Variants in PITPNC1 observed in about 807,000 individuals in gnomAD.
PITPNC1 encodes the protein cytoplasmic phosphatidylinositol transfer protein 1.
PITPNC1 carries 18 observed loss-of-function variants against 44.7 expected under a neutral mutation model. The observed-to-expected ratio is 0.40, with a 90% CI of 0.28 to 0.60. The LOEUF is 0.60. Among genes scored for constraint, PITPNC1 ranks in the 20% least tolerant of loss-of-function variants. The pLI, the probability that PITPNC1 is intolerant of heterozygous loss-of-function variation, is 0.39. For synonymous variants in PITPNC1, 141 were observed against 149.6 expected (o/e 0.94, Z 0.42); for missense variants, 290 against 418.4 (o/e 0.69, Z 2.68).
chr17:67,536,477 T>C (rs1395758605), intron 2 of PITPNC1, among the ~76,000 whole-genome samples: 1 of 152,156 alleles, frequency 6.6e-6, no homozygotes, highest in Non-Finnish European at 1.5e-5. Context: ...TCCACCAGCC[T>C]CGGCCTCCCA....
At chr17:67,651,214 T>A (rs1555577134) in intron 6 of PITPNC1, among the ~76,000 whole-genome samples, 1 of 152,124 alleles carries the variant, frequency 6.6e-6, no homozygotes, top group Non-Finnish European at 1.5e-5. Flanking sequence ...GTCTCTTTTT[T>A]AAAAAACAGC....
intron 1 of PITPNC1, among the ~76,000 whole-genome samples, chr17:67,428,839 CTTT>C (rs369624053): frequency 1.8e-5 from 2 of 113,186 alleles, no homozygotes; most frequent in African/African-American, 3.3e-5. Context: ...ACTTGTCTTG[CTTT>C]TTTTTTTTTT....
At chr17:67,519,027 CTG>C (rs1211768088) in intron 1 of PITPNC1, among the ~76,000 whole-genome samples, 2 of 152,156 alleles carry the variant, frequency 1.3e-5, no homozygotes, top group African/African-American at 4.8e-5. Context: ...GGATGTAAAA[CTG>C]TGGAAAACAG....
intron 2 of PITPNC1, among the ~76,000 whole-genome samples, chr17:67,548,502 A>G (rs899952158): frequency 6.6e-6 from 1 of 152,110 alleles, no homozygotes; most frequent in Admixed American, 6.5e-5. Context: ...GAGGCTGGAG[A>G]ATCGCTTGGA....
chr17:67,543,793 T>C (rs140717274), intron 2 of PITPNC1, among the ~76,000 whole-genome samples: 3 of 152,334 alleles, frequency 2.0e-5, no homozygotes, highest in African/African-American at 7.2e-5. Context: ...GATGGTTGCC[T>C]AATATATTTG....
intron 8 of PITPNC1, among the ~76,000 whole-genome samples, 191 bp from the exon 9 acceptor site, chr17:67,692,381 G>C (rs1222079532): frequency 6.6e-6 from 1 of 152,128 alleles, no homozygotes; most frequent in Non-Finnish European, 1.5e-5. Flanking sequence ...AAGGGATATT[G>C]TTTTCAGGGT....
At chr17:67,497,671 G>A (rs896980670) in intron 1 of PITPNC1, among the ~76,000 whole-genome samples, 30 of 150,676 alleles carry the variant, frequency 2.0e-4, no homozygotes, top group South Asian at 6.3e-4. Flanking sequence ...GGGACCACAC[G>A]TGTGAGCCAC....
At chr17:67,382,935 G>A (rs143328335) in intron 1 of PITPNC1, among the ~76,000 whole-genome samples, 8 of 152,038 alleles carry the variant, frequency 5.3e-5, no homozygotes, top group Admixed American at 1.3e-4. Context: ...TGATTCTAGA[G>A]TTTTAGACTT....
chr17:67,655,577 A>G (rs1202338763), intron 6 of PITPNC1, among the ~76,000 whole-genome samples: 1 of 149,662 alleles, frequency 6.7e-6, no homozygotes, highest in Non-Finnish European at 1.5e-5. Flanking sequence ...AAAAAAAAAA[A>G]AAAAAGCACT....
At chr17:67,640,392 A>G (rs2144348877) in intron 6 of PITPNC1, among the ~76,000 whole-genome samples, 1 of 152,258 alleles carries the variant, frequency 6.6e-6, no homozygotes, top group Admixed American at 6.5e-5. Flanking sequence ...AGAAATTGAG[A>G]GAGAAGGCCA....
Position 67,585,002 on chromosome 17 carries a change from G to A in PITPNC1, c.366+6745G>A, listed in dbSNP as rs148264929. On this transcript the variant is annotated intron_variant, in intron 5 of 8. Transcript: ENST00000581322. ...ATGGTGGCGCATGCCTGTAATTCCAGGTACTCAGCAGGCTGAGGCAGGAGA... is the reference window on the plus strand; with the variant it reads ...ATGGTGGCGCATGCCTGTAATTCCAAGTACTCAGCAGGCTGAGGCAGGAGA... 2.2e-3 allele frequency among the ~76,000 whole-genome samples: 342 copies of A among 152,102 alleles called. 1 individual carries two copies. The highest frequency in any genetic ancestry group is 7.9e-3 in the African/African-American group (329 of 41,482).
intron 2 of PITPNC1, among the ~76,000 whole-genome samples, chr17:67,544,634 C>T (rs117302424): frequency 2.0e-5 from 3 of 152,250 alleles, no homozygotes; most frequent in East Asian, 3.8e-4. Flanking sequence ...TTGCCTTCCA[C>T]GGCAATGTCT....
intron 5 of PITPNC1, among the ~76,000 whole-genome samples, chr17:67,616,170 C>T (rs1019102651): frequency 3.3e-5 from 5 of 152,032 alleles, no homozygotes; most frequent in African/African-American, 1.2e-4. Context: ...GATGGAGTTT[C>T]ATTCTTGTCG....
chr17:67,413,169 G>C (rs941726789), intron 1 of PITPNC1, among the ~76,000 whole-genome samples: 2 of 152,160 alleles, frequency 1.3e-5, no homozygotes, highest in African/African-American at 4.8e-5. Flanking sequence ...CAACCTGCTT[G>C]CTCATAAGAA....
chr17:67,430,356 A>T (rs889194134), intron 1 of PITPNC1, among the ~76,000 whole-genome samples: 6 of 151,626 alleles, frequency 4.0e-5, no homozygotes, highest in African/African-American at 1.2e-4. Flanking sequence ...GACACAAAAA[A>T]ATTAGTCTAT....
intron 1 of PITPNC1, among the ~76,000 whole-genome samples, chr17:67,425,207 A>T: frequency 3.1e-5 from 1 of 32,786 alleles, no homozygotes; most frequent in Non-Finnish European, 5.8e-5. Flanking sequence ...GCACACGCAC[A>T]CACACACACA....
In PITPNC1 at chr17:67,587,481, G is replaced by A. The variant is rs543216116; in HGVS notation, c.366+9224G>A. Among the ~76,000 whole-genome samples, 37 of 146,474 alleles carry A rather than the reference G, an allele frequency of 2.5e-4. 1 individual carries two copies. The South Asian group carries it at 7.3e-3, about 29-fold the overall frequency. On this transcript the variant is annotated intron_variant, in intron 5 of 8. Transcript: ENST00000581322. ...CATACTCCAGCCTGGGCAACAGAGCGAGACTCTGTCTCAAAAGAAGAAGAA... is the reference window on the plus strand; with the variant it reads ...CATACTCCAGCCTGGGCAACAGAGCAAGACTCTGTCTCAAAAGAAGAAGAA...
intron 1 of PITPNC1, among the ~76,000 whole-genome samples, chr17:67,498,698 C>T (rs1244390787): frequency 3.3e-5 from 5 of 152,146 alleles, no homozygotes; most frequent in South Asian, 2.1e-4. Flanking sequence ...TACGTCCTTG[C>T]CAACACTTGT....
intron 5 of PITPNC1, among the ~76,000 whole-genome samples, chr17:67,628,197 C>T (rs2041918874): frequency 6.6e-6 from 1 of 152,038 alleles, no homozygotes; most frequent in Non-Finnish European, 1.5e-5. Context: ...GCCACTGCGG[C>T]CAGCTGACAG....
Sources: gnomAD v4.1 joint callset for allele counts (sites outside exome capture counted in the v4.1 genomes callset) on GRCh38, gnomAD v4.1.1 for gene constraint, MANE v1.5 for transcripts, NCBI Gene and HGNC (gene_info 2026-07-23, HGNC 2026-07-21) for gene names.